Variants in NTM observed in about 807,000 individuals in gnomAD.
The protein encoded by NTM is neurotrimin.
In NTM, 13 loss-of-function variants were observed where a neutral mutation model predicts 42.1. The ratio of observed to expected loss-of-function variants is 0.31; its 90% CI spans 0.20 to 0.49. NTM has a LOEUF of 0.49. NTM is among the 20% of genes least tolerant of loss of function. The probability of loss-of-function intolerance (pLI) is 0.99; values close to 1 mark genes in which losing one functional copy is unlikely to be tolerated. For synonymous variants in NTM, 187 were observed against 179.2 expected, an observed-to-expected ratio of 1.04 and a Z score of -0.35; for missense variants, 373 against 452.8, an observed-to-expected ratio of 0.82 and a Z score of 1.60.
At chr11:132,063,367 G>A (rs975323747) in intron 2 of NTM, among the ~76,000 whole-genome samples, 1 of 152,208 alleles carries the variant, frequency 6.6e-6, no homozygotes, top group African/African-American at 2.4e-5. Context: ...CATTTTGGAA[G>A]CTGGATTCTT....
At position 132,307,739 on chromosome 11, in the gene NTM, A is replaced by C. The variant is rs2305271; in HGVS notation, c.577A>C (p.Arg193=). The C allele has an allele frequency of 0.84, 1,355,619 of 1,614,036 alleles. 570,326 individuals carry two copies. Among genetic ancestry groups the C allele is most frequent in the East Asian group, 0.93 (41,794 of 44,866 alleles). ...ATACTTGGAAATTCAGGGCATCACC[A>C]GGGAGCAGTCAGGGGACTACGAGTG... The part of the protein sequence containing the change: ...DEYLEIQGIT[R]EQSGDYECSA... The change falls in exon 5 of 9, where the codon AGG becomes CGG. Residue 193 remains arginine, a synonymous_variant. Transcript: ENST00000683400.
chr11:131,574,305 C>T (rs1159598197), intron 1 of NTM, among the ~76,000 whole-genome samples: 1 of 152,206 alleles, frequency 6.6e-6, no homozygotes, highest in Non-Finnish European at 1.5e-5. Context: ...AAAAGCTGCC[C>T]TGAGTGTCCA....
chr11:132,021,961 G>GA (rs2074409710), intron 2 of NTM, among the ~76,000 whole-genome samples: 1 of 152,238 alleles, frequency 6.6e-6, no homozygotes, highest in African/African-American at 2.4e-5. Context: ...TTTGCATGCA[G>GA]ATTTGTACTT....
chr11:131,882,712 C>G (rs1419902985), intron 1 of NTM, among the ~76,000 whole-genome samples: 3 of 152,080 alleles, frequency 2.0e-5, no homozygotes, highest in African/African-American at 7.2e-5. Flanking sequence ...AATGATGTAT[C>G]TGCTGGATAG....
At position 132,239,406 on chromosome 11, in the gene NTM, A is replaced by AACC. The variant is rs2089749042; in HGVS notation, c.526+27259_526+27260insACC. Among the ~76,000 whole-genome samples the AACC allele has an allele frequency of 2.0e-5, 3 of 152,212 alleles. No homozygotes were observed. The South Asian group carries it at 6.2e-4, about 32-fold the overall frequency. ...TCATCCCATAAACCTAGCCCAGGTA[A>AACC]TAGTGGTTGAAATTTTAAAAATGGT... On this transcript the variant is annotated intron_variant, in intron 4 of 8. Coordinates refer to ENST00000683400, the MANE Select transcript of NTM (RefSeq NM_001352005.2).
chr11:131,388,841 A>T (rs919319325), intron 1 of NTM, among the ~76,000 whole-genome samples: 2 of 151,452 alleles, frequency 1.3e-5, no homozygotes, highest in African/African-American at 4.9e-5. Context: ...GTGAAACCTC[A>T]TCTCTACTAA....
chr11:132,253,998 C>T (rs1461493421), intron 4 of NTM, among the ~76,000 whole-genome samples: 1 of 152,162 alleles, frequency 6.6e-6, no homozygotes, highest in Non-Finnish European at 1.5e-5. Context: ...GCAGTCTCTG[C>T]AGGTTTAGCT....
chr11:131,812,327 G>A (rs748287173), intron 1 of NTM, among the ~76,000 whole-genome samples: 2 of 151,994 alleles, frequency 1.3e-5, no homozygotes, highest in Admixed American at 6.6e-5. Context: ...GGGAATTGAG[G>A]TATCCTTTCA....
In NTM at chr11:131,610,800, G is replaced by A. The variant is rs542092100; in HGVS notation, c.82+239912G>A. 4.6e-5 allele frequency among the ~76,000 whole-genome samples: 7 copies of A among 152,250 alleles called. No individual in the cohort carries two copies. The South Asian group carries it at 1.5e-3, about 32-fold the overall frequency. On this transcript the variant is annotated intron_variant, in intron 1 of 8. Coordinates refer to ENST00000683400, the MANE Select transcript of NTM (RefSeq NM_001352005.2). ...GTTGGTGGGAGTGAAACATATGTGG[G>A]GATATGCTATGAAATGAACGCTGAG...
chr11:131,874,406 A>T (rs866632235), intron 1 of NTM, among the ~76,000 whole-genome samples: 1 of 152,126 alleles, frequency 6.6e-6, no homozygotes, highest in East Asian at 1.9e-4. Context: ...AAACAAAAAA[A>T]CCAAGCAGCA....
intron 1 of NTM, among the ~76,000 whole-genome samples, chr11:131,388,641 T>G (rs1244540803): frequency 6.6e-6 from 1 of 152,076 alleles, no homozygotes; most frequent in Non-Finnish European, 1.5e-5. Context: ...AAAAGAATGC[T>G]GCTCTTTCTG....
chr11:131,887,246 G>C (rs1372356265), intron 1 of NTM, among the ~76,000 whole-genome samples: 1 of 152,212 alleles, frequency 6.6e-6, no homozygotes, highest in African/African-American at 2.4e-5. Flanking sequence ...AAAACATCAT[G>C]TTGTACACCT....
intron 1 of NTM, among the ~76,000 whole-genome samples, chr11:131,700,465 C>A (rs1406247649): frequency 6.6e-6 from 1 of 152,158 alleles, no homozygotes. Flanking sequence ...CAAGACCTGT[C>A]TTCTTAGCTC....
At chr11:132,030,756 A>T (rs2075809455) in intron 2 of NTM, among the ~76,000 whole-genome samples, 1 of 152,224 alleles carries the variant, frequency 6.6e-6, no homozygotes, top group African/African-American at 2.4e-5. Flanking sequence ...AGCAGGAGTG[A>T]GAGTGAGAAA....
rs186808316 is a variant in NTM, at chr11:132,147,668, C to A, written c.400+1154C>A. On this transcript the variant is annotated intron_variant, in intron 3 of 8. Transcript: ENST00000683400. ...GTATAGCCCCTGAGCAGCGGCATGC[C>A]AGATCCAGTGCTGGAGCCCTTTCCC... 4.1e-3 allele frequency among the ~76,000 whole-genome samples: 630 copies of A among 152,142 alleles called. 3 individuals are homozygous for A. Among genetic ancestry groups the A allele is most frequent in the Middle Eastern group, 0.01 (3 of 294 alleles).
intron 1 of NTM, among the ~76,000 whole-genome samples, chr11:131,751,416 C>T (rs2135702007): frequency 6.6e-6 from 1 of 152,164 alleles, no homozygotes; most frequent in Non-Finnish European, 1.5e-5. Flanking sequence ...CGGTGAAACC[C>T]CGTCTCCATT....
At chr11:132,138,687 A>G (rs2068482408) in intron 2 of NTM, among the ~76,000 whole-genome samples, 1 of 152,060 alleles carries the variant, frequency 6.6e-6, no homozygotes, top group Non-Finnish European at 1.5e-5. Flanking sequence ...GTCTCAGTCC[A>G]AAGGCCTGAG....
chr11:131,413,475 C>T (rs1946630117), intron 1 of NTM, among the ~76,000 whole-genome samples: 1 of 152,174 alleles, frequency 6.6e-6, no homozygotes, highest in South Asian at 2.1e-4. Flanking sequence ...CCTGAAAGAG[C>T]CCCTTGGCTG....
rs542183968 is a variant in NTM at position 131,435,116 on chromosome 11, T to A, written c.82+64228T>A. ...GATGGTTGTAGATGTGTGGTGTTAT[T>A]TCTGAGGCCTCTGTTCTGTTCCATT... is the stretch of plus-strand genomic sequence containing the variant. On this transcript the variant is annotated intron_variant, in intron 1 of 8. Transcript: ENST00000683400. Among the ~76,000 whole-genome samples, 307 of 152,334 alleles carry A rather than the reference T, an allele frequency of 2.0e-3. 1 individual carries two copies. The highest frequency in any genetic ancestry group is 7.0e-3 in the African/African-American group (291 of 41,568).
Sources: gnomAD v4.1 joint callset for allele counts (sites outside exome capture counted in the v4.1 genomes callset) on GRCh38, gnomAD v4.1.1 for gene constraint, MANE v1.5 for transcripts, NCBI Gene and HGNC (gene_info 2026-07-23, HGNC 2026-07-21) for gene names.